FREM2: variants seen among roughly 807,000 people sequenced by gnomAD.
FREM2 encodes FRAS1 related extracellular matrix 2.
FREM2 carries 119 observed loss-of-function variants against 219.9 expected under a neutral mutation model. That is an observed-to-expected ratio of 0.54 (90% CI 0.47 to 0.63). FREM2 has a LOEUF of 0.63. FREM2 is among the 30% of genes least tolerant of loss of function. The probability of loss-of-function intolerance (pLI) is 0.00; values close to 1 mark genes in which losing one functional copy is unlikely to be tolerated. For synonymous variants in FREM2, 1,562 were observed against 1,522.8 expected (o/e 1.03, Z -0.60); for missense variants, 4,030 against 3,993.6 (o/e 1.01, Z -0.25).
intron 6 of FREM2, among the ~76,000 whole-genome samples, chr13:38,812,207 T>G (rs1451141564): frequency 1.3e-5 from 2 of 152,304 alleles, no homozygotes; most frequent in South Asian, 4.1e-4. Context: ...AGTATGTTTC[T>G]TATAGTCAAG....
intron 2 of FREM2, among the ~76,000 whole-genome samples, chr13:38,711,302 A>G (rs1005855434): frequency 1.3e-5 from 2 of 152,158 alleles, no homozygotes; most frequent in African/African-American, 4.8e-5. Flanking sequence ...ATGACAATTC[A>G]TGTCTGTTTC....
rs546629554 is a variant in FREM2, at chr13:38,706,163, AT to A, written c.5263+8377del. ...TTTTAAGGGTTGAAGTGTAAACTTT[AT>A]AGGCTTGAAGATTAATACCGTATCT... On this transcript the variant is annotated intron_variant, in intron 2 of 23. Coordinates refer to ENST00000280481, the MANE Select transcript of FREM2 (RefSeq NM_207361.6). 3.1e-3 allele frequency among the ~76,000 whole-genome samples: 466 copies of A among 152,336 alleles called. 3 individuals are homozygous for A. Among genetic ancestry groups the A allele is most frequent in the African/African-American group, 0.011 (445 of 41,574 alleles).
intron 22 of FREM2, 34 bp downstream of exon 22, chr13:38,878,355 G>C (rs776261620): frequency 3.2e-6 from 5 of 1,545,660 alleles, no homozygotes; most frequent in Non-Finnish European, 3.5e-6. Flanking sequence ...GAGCTAGATA[G>C]ATTTTTCAAA....
intron 6 of FREM2, among the ~76,000 whole-genome samples, chr13:38,835,766 G>C (rs1457774479): frequency 1.3e-5 from 2 of 152,182 alleles, no homozygotes; most frequent in Admixed American, 1.3e-4. Context: ...TGGTGTATAG[G>C]AATGCTTGTG....
At chr13:38,864,700 C>T (rs1877895448) in intron 16 of FREM2, 94 bp downstream of exon 16, 1 of 1,100,416 alleles carries the variant, frequency 9.1e-7, no homozygotes, top group South Asian at 1.3e-5. Context: ...TCCAGTTTTC[C>T]ATCTTGGTGT....
rs1264927634 is a variant in FREM2, at chr13:38,876,104, C to T, written c.8364C>T (p.Thr2788=). 3 of 1,614,098 alleles carry T rather than the reference C, an allele frequency of 1.9e-6. No individual in the cohort carries two copies. In the Admixed American group the frequency reaches 5.0e-5, roughly 27 times the overall value. Residue 2788 remains threonine, a synonymous_variant, in exon 19 of 24, where the codon ACC becomes ACT. Coordinates refer to ENST00000280481, the MANE Select transcript of FREM2 (RefSeq NM_207361.6). ...FSLRLIRSEP[T]YNQPVQQWSF... ...TCCGCCTCATAAGGAGTGAACCAAC[C>T]TATAACCAGCCAGTACAGCAGTGGA...
At chr13:38,773,552 A>T (rs1350523753) in intron 4 of FREM2, among the ~76,000 whole-genome samples, 1 of 152,098 alleles carries the variant, frequency 6.6e-6, no homozygotes, top group African/African-American at 2.4e-5. Context: ...CACCATGCCC[A>T]GATAAGTGTT....
At chr13:38,858,185 A>G (rs976483609) in intron 13 of FREM2, 152 bp downstream of exon 13, 8 of 702,134 alleles carry the variant, frequency 1.1e-5, no homozygotes, top group Non-Finnish European at 1.9e-5. Flanking sequence ...AACACTAATC[A>G]AATAAAGCTC....
chr13:38,851,209 C>T, intron 10 of FREM2, 101 bp downstream of exon 10: 5 of 1,125,240 alleles, frequency 4.4e-6, no homozygotes, highest in Non-Finnish European at 6.5e-6. Flanking sequence ...ACCTCCTCTG[C>T]TTTATGACTA....
At chr13:38,709,159 C>T (rs1870659780) in intron 2 of FREM2, among the ~76,000 whole-genome samples, 1 of 152,216 alleles carries the variant, frequency 6.6e-6, no homozygotes, top group Non-Finnish European at 1.5e-5. Flanking sequence ...AGGATTCCTG[C>T]ACATGCCATG....
intron 2 of FREM2, among the ~76,000 whole-genome samples, chr13:38,705,204 G>A (rs9576600): frequency 0.12 from 18,208 of 152,128 alleles, 1,275 homozygotes; most frequent in Middle Eastern, 0.24. Flanking sequence ...CATATGGGAA[G>A]AATAAGGTAA....
At chr13:38,692,624 A>G in intron 1 of FREM2, 107 bp downstream of exon 1, 2 of 1,321,716 alleles carry the variant, frequency 1.5e-6, no homozygotes, top group Non-Finnish European at 2.2e-6. Flanking sequence ...GAAGGAAAGG[A>G]AACAAAGGGG....
intron 6 of FREM2, among the ~76,000 whole-genome samples, chr13:38,835,383 AT>A (rs1876670537): frequency 6.6e-6 from 1 of 152,184 alleles, no homozygotes. Context: ...AGATAGTGTG[AT>A]GCCTCCAGCT....
At chr13:38,698,586 C>A (rs1332785158) in intron 2 of FREM2, among the ~76,000 whole-genome samples, 2 of 152,060 alleles carry the variant, frequency 1.3e-5, no homozygotes, top group East Asian at 3.9e-4. Flanking sequence ...AAAGAACCTC[C>A]CCTAGTACAT....
At chr13:38,834,556 C>T (rs1225393822) in intron 6 of FREM2, among the ~76,000 whole-genome samples, 1 of 152,208 alleles carries the variant, frequency 6.6e-6, no homozygotes, top group Non-Finnish European at 1.5e-5. Context: ...AACTAATTTA[C>T]ACTTCCACCA....
intron 6 of FREM2, among the ~76,000 whole-genome samples, chr13:38,805,670 A>G (rs967916297): frequency 5.3e-5 from 8 of 151,972 alleles, no homozygotes; most frequent in Non-Finnish European, 1.2e-4. Context: ...AATTTTATCT[A>G]TAGTTATAAT....
chr13:38,875,939 A>G lies in FREM2; in HGVS notation c.8282-83A>G. The G allele has an allele frequency of 4.0e-6, 5 of 1,263,732 alleles. No homozygotes were observed. The South Asian group carries it at 6.0e-5, about 15-fold the overall frequency. The allele number at this position is 1,263,732 out of a possible 1,614,324, so 78.3% of individuals were successfully genotyped here. A position where few individuals can be genotyped will look rare whatever the true frequency, so the allele number is the denominator to read the frequency against. ...AAACAGAAGCAAATAATGTATGATC[A>G]TTTATTTTGAAAACTCTAAACTGTT... On this transcript the variant is annotated intron_variant, in intron 18 of 23. Coordinates refer to ENST00000280481, the MANE Select transcript of FREM2 (RefSeq NM_207361.6).
chr13:38,765,264 G>A (rs2137810354), intron 3 of FREM2, among the ~76,000 whole-genome samples: 1 of 152,216 alleles, frequency 6.6e-6, no homozygotes, highest in South Asian at 2.1e-4. Context: ...CAGTATATTG[G>A]TACTTTTAAG....
At chr13:38,755,268 C>G (rs538269043) in intron 2 of FREM2, among the ~76,000 whole-genome samples, 3 of 152,166 alleles carry the variant, frequency 2.0e-5, no homozygotes, top group Non-Finnish European at 4.4e-5. Context: ...ACCCAGTTGC[C>G]CAACATCTGC....
Sources: gnomAD v4.1 joint callset for allele counts (sites outside exome capture counted in the v4.1 genomes callset) on GRCh38, gnomAD v4.1.1 for gene constraint, MANE v1.5 for transcripts, NCBI Gene and HGNC (gene_info 2026-07-23, HGNC 2026-07-21) for gene names.